The following MAML2 variants were observed in gnomAD, a reference collection of about 807,000 sequenced individuals.
MAML2 encodes mastermind like transcriptional coactivator 2, also known as mastermind-like protein 2.
MAML2 carries 22 observed loss-of-function variants against 96.1 expected under a neutral mutation model. That is an observed-to-expected ratio of 0.23 (90% CI 0.16 to 0.33). MAML2 has a LOEUF of 0.33. Among genes scored for constraint, MAML2 ranks in the 10% least tolerant of loss-of-function variants. MAML2 has a pLI of 1.00. For synonymous variants in MAML2, 561 were observed against 521.3 expected (o/e 1.08, Z -1.04); for missense variants, 1,367 against 1,392.4 (o/e 0.98, Z 0.29).
chr11:96,214,002 A>G (rs189285872), intron 1 of MAML2, among the ~76,000 whole-genome samples: 3 of 152,352 alleles, frequency 2.0e-5, no homozygotes, highest in Admixed American at 1.3e-4. Flanking sequence ...CAAATGCCCA[A>G]CTACAAATTC....
At position 96,093,154 on chromosome 11, in the gene MAML2, A is replaced by T. The variant is rs1859760507; in HGVS notation, c.877T>A (p.Tyr293Asn). The stretch of plus-strand genomic sequence containing the variant: ...AGTTGTTCTCCAGGGTCGTCTCCGT[A>T]CCTATTAGGAAAAATATTCTCTTGG... Reference protein sequence around the residue: ...MTQENIFPNRYGDDPGEQLMD... With the variant: ...MTQENIFPNRNGDDPGEQLMD... Residue 293 changes from tyrosine (Y) to asparagine (N), a missense_variant, in exon 2 of 5, where the codon TAC (tyrosine) becomes AAC (asparagine). Tyr to Asn is a moderately radical substitution (Grantham distance 143, BLOSUM62 -2). Coordinates refer to ENST00000524717, the MANE Select transcript of MAML2 (RefSeq NM_032427.4). 3 of 1,613,858 alleles carry T rather than the reference A, an allele frequency of 1.9e-6. No individual in the cohort carries two copies. The highest frequency in any genetic ancestry group is 2.5e-6 in the Non-Finnish European group (3 of 1,179,906).
At chr11:96,283,733 A>G (rs1326910983) in intron 1 of MAML2, among the ~76,000 whole-genome samples, 1 of 152,142 alleles carries the variant, frequency 6.6e-6, no homozygotes, top group Non-Finnish European at 1.5e-5. Context: ...TTGAGCTATT[A>G]TATGCTAGTG....
intron 4 of MAML2, among the ~76,000 whole-genome samples, chr11:95,980,407 A>C (rs1857719593): frequency 6.6e-6 from 1 of 152,156 alleles, no homozygotes; most frequent in Non-Finnish European, 1.5e-5. Flanking sequence ...TCCTAGATTA[A>C]TATTCCCAAA....
chr11:96,084,624 C>T (rs1048810843), intron 2 of MAML2, among the ~76,000 whole-genome samples: 2 of 152,166 alleles, frequency 1.3e-5, no homozygotes, highest in African/African-American at 4.8e-5. Flanking sequence ...AGTCTTAAGT[C>T]AGTCAGGGCA....
chr11:96,037,025 G>A (rs752900296), intron 2 of MAML2, among the ~76,000 whole-genome samples: 1 of 152,208 alleles, frequency 6.6e-6, no homozygotes, highest in African/African-American at 2.4e-5. Flanking sequence ...TGAGAATACC[G>A]CCTAGGTTGT....
chr11:96,050,402 A>G (rs1279693928), intron 2 of MAML2, among the ~76,000 whole-genome samples: 1 of 152,214 alleles, frequency 6.6e-6, no homozygotes, highest in Non-Finnish European at 1.5e-5. Flanking sequence ...TATTTGTGGC[A>G]TATATGAGAT....
chr11:96,279,529 G>T (rs1863036622), intron 1 of MAML2, among the ~76,000 whole-genome samples: 1 of 152,184 alleles, frequency 6.6e-6, no homozygotes, highest in African/African-American at 2.4e-5. Context: ...AGGAGAGTAA[G>T]GGAAGGAGAA....
intron 2 of MAML2, among the ~76,000 whole-genome samples, chr11:96,003,822 T>A (rs950448940): frequency 1.3e-5 from 2 of 152,138 alleles, no homozygotes; most frequent in African/African-American, 4.8e-5. Context: ...AGGCATTAGA[T>A]TAAATAATAT....
intron 2 of MAML2, among the ~76,000 whole-genome samples, chr11:96,083,792 C>T (rs12365663): frequency 6.6e-6 from 1 of 152,080 alleles, no homozygotes; most frequent in Non-Finnish European, 1.5e-5. Flanking sequence ...CAGATGCCAC[C>T]CCTGTATTCA....
At chr11:95,987,383 G>A (rs1337253100) in intron 3 of MAML2, among the ~76,000 whole-genome samples, 1 of 152,104 alleles carries the variant, frequency 6.6e-6, no homozygotes, top group Non-Finnish European at 1.5e-5. Flanking sequence ...TGGGAATTAA[G>A]GGCTGCTTTT....
chr11:96,122,659 G>A (rs779215867), intron 1 of MAML2, among the ~76,000 whole-genome samples: 7 of 152,138 alleles, frequency 4.6e-5, no homozygotes, highest in Middle Eastern at 3.2e-3. Context: ...TTTTCACAGA[G>A]GACCCTGTAA....
chr11:96,169,987 G>A (rs1861258482), intron 1 of MAML2, among the ~76,000 whole-genome samples: 1 of 152,204 alleles, frequency 6.6e-6, no homozygotes, highest in Non-Finnish European at 1.5e-5. Context: ...TACCTAACAT[G>A]GAGCAACATC....
chr11:96,281,042 A>G (rs1326805034), intron 1 of MAML2, among the ~76,000 whole-genome samples: 1 of 152,236 alleles, frequency 6.6e-6, no homozygotes, highest in Non-Finnish European at 1.5e-5. Context: ...ATTAAGCATC[A>G]TTAATATTAA....
intron 1 of MAML2, among the ~76,000 whole-genome samples, chr11:96,239,428 G>A (rs551572470): frequency 5.3e-5 from 8 of 152,254 alleles, no homozygotes; most frequent in South Asian, 4.2e-4. Flanking sequence ...GGCTATTTTC[G>A]TCAATTTCAG....
intron 1 of MAML2, among the ~76,000 whole-genome samples, chr11:96,336,085 G>T (rs955091162): frequency 6.6e-6 from 1 of 152,266 alleles, no homozygotes; most frequent in South Asian, 2.1e-4. Flanking sequence ...TTTTGCAGAT[G>T]AAAATACTGA....
Position 96,201,019 on chromosome 11 carries a change from G to GA in MAML2, c.514-107503dup, listed in dbSNP as rs906673619. 3.6e-3 allele frequency among the ~76,000 whole-genome samples: 551 copies of GA among 151,050 alleles called. 3 individuals carry two copies. Among genetic ancestry groups the GA allele is most frequent in the African/African-American group, 0.013 (523 of 41,208 alleles). On this transcript the variant is annotated intron_variant, in intron 1 of 4. Transcript: ENST00000524717. The stretch of plus-strand genomic sequence containing the variant: ...TTACAATGACATTTAACTCTTGGGG[G>GA]AAAAAAAAGCTTCTGTTTTTTAATA...
At chr11:96,013,848 C>T (rs965322253) in intron 2 of MAML2, among the ~76,000 whole-genome samples, 2 of 152,204 alleles carry the variant, frequency 1.3e-5, no homozygotes, top group Non-Finnish European at 2.9e-5. Flanking sequence ...ATTCTTTCTT[C>T]AAGCCCACGT....
chr11:96,030,011 A>G (rs602108), intron 2 of MAML2, among the ~76,000 whole-genome samples: 9,808 of 152,226 alleles, frequency 0.064, 620 homozygotes, highest in African/African-American at 0.16. Flanking sequence ...AGGTGGGTGG[A>G]TCACGAGGTC....
At chr11:96,080,423 A>G (rs1859512777) in intron 2 of MAML2, among the ~76,000 whole-genome samples, 1 of 152,376 alleles carries the variant, frequency 6.6e-6, no homozygotes, top group Middle Eastern at 3.4e-3. Flanking sequence ...AACTATATTT[A>G]CGTGTTACTT....
Sources: gnomAD v4.1 joint callset for allele counts (sites outside exome capture counted in the v4.1 genomes callset) on GRCh38, gnomAD v4.1.1 for gene constraint, MANE v1.5 for transcripts, NCBI Gene and HGNC (gene_info 2026-07-23, HGNC 2026-07-21) for gene names.